AKNA: variants seen among roughly 807,000 people sequenced by gnomAD.
The protein encoded by AKNA is AT-hook transcription factor.
A neutral mutation model predicts 138.8 loss-of-function variants in AKNA; 67 were observed. The ratio of observed to expected loss-of-function variants is 0.48; its 90% confidence interval spans 0.40 to 0.59. The LOEUF (loss-of-function observed/expected upper bound fraction) is 0.59. AKNA is among the 20% of genes least tolerant of loss of function. The pLI is 0.00. For synonymous variants in AKNA, 737 were observed against 754.4 expected, an observed-to-expected ratio of 0.98 and a Z score of 0.38; for missense variants, 1,813 against 1,880.4, an observed-to-expected ratio of 0.96 and a Z score of 0.66.
At chr9:114,337,355 C>G (rs752798540) in intron 21 of AKNA, 49 bp from the exon 22 acceptor site, 21 of 1,387,602 alleles carry the variant, frequency 1.5e-5, no homozygotes, top group Non-Finnish European at 1.9e-5. Context: ...GGGCTGGGGA[C>G]AAGCCGAGGA....
At chr9:114,365,208 T>C (rs1280423541) in intron 6 of AKNA, among the ~76,000 whole-genome samples, 2 of 152,192 alleles carry the variant, frequency 1.3e-5, no homozygotes, top group African/African-American at 4.8e-5. Flanking sequence ...AAGACAGGAA[T>C]GAGAAGTAGA....
In AKNA at chr9:114,385,688, G is replaced by A. The variant is rs370532365; in HGVS notation, c.-114+2172C>T. Among the ~76,000 whole-genome samples the A allele has an allele frequency of 2.6e-5, 4 of 152,146 alleles. No individual in the cohort carries two copies. The East Asian group carries it at 7.7e-4, about 29-fold the overall frequency. On this transcript the variant is annotated intron_variant, in intron 1 of 21. Coordinates refer to ENST00000374088, the MANE Select transcript of AKNA (RefSeq NM_001317950.2). ...AGCTGCAGTGACTGACTAGAGTTTC[G>A]CACTTGCCCCCAGGCGCCTAAACCA... is the stretch of plus-strand genomic sequence containing the variant.
At chr9:114,367,422 G>T in intron 6 of AKNA, 121 bp downstream of exon 6, 2 of 1,239,506 alleles carry the variant, frequency 1.6e-6, no homozygotes, top group Non-Finnish European at 2.2e-6. Flanking sequence ...GAGTTAACTC[G>T]GTGCAGAGGC....
chr9:114,365,507 G>A (rs929461450), intron 6 of AKNA, among the ~76,000 whole-genome samples: 11 of 152,028 alleles, frequency 7.2e-5, no homozygotes, highest in African/African-American at 2.7e-4. Context: ...ATGATGTAAG[G>A]TTCGGTTTTA....
At chr9:114,379,000 T>C (rs1833444813) in intron 2 of AKNA, among the ~76,000 whole-genome samples, 1 of 152,206 alleles carries the variant, frequency 6.6e-6, no homozygotes, top group African/African-American at 2.4e-5. Context: ...ACTTAACATG[T>C]CCTTCAGCAA....
intron 7 of AKNA, 84 bp from the exon 8 acceptor site, chr9:114,362,617 G>C (rs1236227418): frequency 5.4e-6 from 8 of 1,479,830 alleles, no homozygotes; most frequent in Non-Finnish European, 7.2e-6. Context: ...GAGACAGCTT[G>C]CGGGAGGCCA....
intron 10 of AKNA, 24 bp downstream of exon 10, chr9:114,359,872 T>C (rs1831805259): frequency 1.2e-6 from 2 of 1,614,042 alleles, no homozygotes; most frequent in Admixed American, 1.7e-5. Context: ...CCAGACACCC[T>C]GGTCAGGTCC....
chr9:114,361,236 C>T (rs1418575200), intron 9 of AKNA, among the ~76,000 whole-genome samples: 1 of 151,978 alleles, frequency 6.6e-6, no homozygotes, highest in East Asian at 1.9e-4. Context: ...ATACTCTAGC[C>T]ACAGGGCCTT....
intron 4 of AKNA, among the ~76,000 whole-genome samples, chr9:114,372,389 C>T (rs1005947942): frequency 3.3e-5 from 5 of 152,102 alleles, no homozygotes; most frequent in Admixed American, 6.5e-5. Context: ...GGAGATACCC[C>T]AGCTGTGCTC....
rs1431598075 is a variant in AKNA, at chr9:114,335,173, C to G, written c.*1881G>C. 6.6e-6 allele frequency: 1 copy of G among 152,196 alleles called. No homozygotes were observed. Among genetic ancestry groups the G allele is most frequent in the Non-Finnish European group, 1.5e-5 (1 of 68,080 alleles). The allele number at this position is 152,196 out of a possible 1,614,324, so 9.4% of individuals were successfully genotyped here. A position where few individuals can be genotyped will look rare whatever the true frequency, so the allele number is the denominator to read the frequency against. ...AAGTGGGGAACATGGAAGAAAAAGC[C>G]ACGTGAGGAAGAAACCAGAGGTCAA... On this transcript the variant is annotated 3_prime_UTR_variant, in exon 22 of 22. Coordinates refer to ENST00000374088, the MANE Select transcript of AKNA (RefSeq NM_001317950.2).
At chr9:114,366,719 AAGAGGAGAGGGGAAGGGAGAGG>A (rs1832387554) in intron 6 of AKNA, among the ~76,000 whole-genome samples, 1 of 149,514 alleles carries the variant, frequency 6.7e-6, no homozygotes, top group Admixed American at 6.7e-5. Context: ...GAGAGAAGAG[AAGAGGAGAGGGGAAGGGAGAGG>A]AGAGGAGAGG....
intron 21 of AKNA, among the ~76,000 whole-genome samples, chr9:114,337,592 T>A (rs928147398): frequency 1.3e-5 from 2 of 152,100 alleles, no homozygotes; most frequent in Non-Finnish European, 2.9e-5. Context: ...ATCTAGTACA[T>A]GCCAGCCAGC....
intron 11 of AKNA, 79 bp downstream of exon 11, chr9:114,359,515 C>T (rs1831763593): frequency 1.2e-6 from 2 of 1,609,784 alleles, no homozygotes; most frequent in Non-Finnish European, 8.5e-7. Flanking sequence ...GAAGCGCTGT[C>T]TTATTCACTC....
At chr9:114,342,231 G>T in intron 19 of AKNA, 106 bp from the exon 20 acceptor site, 1 of 769,736 alleles carries the variant, frequency 1.3e-6, no homozygotes, top group Non-Finnish European at 2.0e-6. Context: ...GGGACCCACT[G>T]CGGAGGGGAC....
upstream of AKNA, chr9:114,396,911 C>T (rs888884854): frequency 3.9e-5 from 6 of 152,238 alleles, no homozygotes; most frequent in African/African-American, 1.4e-4. Flanking sequence ...TCCACGCCCC[C>T]ACGGGGGGAA....
chr9:114,351,525 T>A (rs934335713), intron 14 of AKNA, among the ~76,000 whole-genome samples: 1 of 151,916 alleles, frequency 6.6e-6, no homozygotes, highest in Non-Finnish European at 1.5e-5. Flanking sequence ...TTAAAAGCAA[T>A]GAACTGGCCA....
At chr9:114,372,906 C>T (rs561275386) in intron 4 of AKNA, among the ~76,000 whole-genome samples, 58 of 136,234 alleles carry the variant, frequency 4.3e-4, no homozygotes, top group African/African-American at 6.4e-4. Flanking sequence ...CAGATGTGCC[C>T]GATGAGGCCA....
At chr9:114,375,129 A>AG (rs1833075004) in intron 3 of AKNA, among the ~76,000 whole-genome samples, 1 of 152,100 alleles carries the variant, frequency 6.6e-6, no homozygotes, top group Non-Finnish European at 1.5e-5. Flanking sequence ...CATGGTCTGG[A>AG]AGGGAAATGG....
At chr9:114,331,879 G>T, downstream of AKNA, 3 of 1,613,840 alleles carry the variant, frequency 1.9e-6, no homozygotes, top group Non-Finnish European at 2.5e-6. Context: ...CGAAGCTCTC[G>T]ACTGCTTGTG....
Sources: allele counts gnomAD v4.1 joint callset (sites outside exome capture counted in the v4.1 genomes callset), GRCh38; gene constraint gnomAD v4.1.1; transcripts MANE v1.5; gene names NCBI Gene and HGNC (gene_info 2026-07-23, HGNC 2026-07-21).